NBEA: variants seen among roughly 807,000 people sequenced by gnomAD.
NBEA encodes the protein neurobeachin, also known as lysosomal-trafficking regulator 2.
In NBEA, 44 loss-of-function variants were observed where a neutral mutation model predicts 343.4. The ratio of observed to expected loss-of-function variants is 0.13; its 90% CI spans 0.10 to 0.16. The LOEUF (loss-of-function observed/expected upper bound fraction) is 0.16, where lower values mean the gene tolerates loss of function less well. Ranked by LOEUF, NBEA falls within the 10% of genes least tolerant of loss-of-function variation. The pLI is 1.00. For missense variants in NBEA, 2,555 were observed against 3,631.3 expected (o/e 0.70, Z 7.62); for synonymous variants, 1,175 against 1,238.7 (o/e 0.95, Z 1.08).
At chr13:35,017,340 C>A (rs2061691972) in intron 1 of NBEA, among the ~76,000 whole-genome samples, 1 of 152,130 alleles carries the variant, frequency 6.6e-6, no homozygotes, top group South Asian at 2.1e-4. Context: ...AGTGCTGAGA[C>A]CTACCTGTGG....
intron 41 of NBEA, among the ~76,000 whole-genome samples, chr13:35,499,675 A>G (rs2076812887): frequency 6.6e-6 from 1 of 152,064 alleles, no homozygotes; most frequent in Non-Finnish European, 1.5e-5. Context: ...TCTGCGTATC[A>G]TGCACCCGCT....
intron 38 of NBEA, among the ~76,000 whole-genome samples, chr13:35,395,934 G>A (rs1003912411): frequency 2.0e-5 from 3 of 152,064 alleles, no homozygotes; most frequent in African/African-American, 7.2e-5. Context: ...AACTTTGTCT[G>A]ATAATAATAT....
At chr13:35,373,677 C>T (rs901634984) in intron 38 of NBEA, among the ~76,000 whole-genome samples, 2 of 149,238 alleles carry the variant, frequency 1.3e-5, no homozygotes. Flanking sequence ...TGCACTCCAG[C>T]CTGGGTGACA....
At chr13:35,108,721 T>A (rs1395207124) in intron 11 of NBEA, among the ~76,000 whole-genome samples, 1 of 152,026 alleles carries the variant, frequency 6.6e-6, no homozygotes, top group Admixed American at 6.6e-5. Flanking sequence ...GAGAGTCTGT[T>A]GTTTAAATAC....
At chr13:35,648,906 G>T (rs2084377722) in intron 51 of NBEA, among the ~76,000 whole-genome samples, 1 of 152,100 alleles carries the variant, frequency 6.6e-6, no homozygotes, top group Admixed American at 6.5e-5. Flanking sequence ...AACAGCTAAT[G>T]TATGCAGGGC....
At chr13:35,078,932 G>A (rs917035244) in intron 10 of NBEA, among the ~76,000 whole-genome samples, 1 of 152,116 alleles carries the variant, frequency 6.6e-6, no homozygotes, top group African/African-American at 2.4e-5. Context: ...TGAGGCAGGA[G>A]AATTGTTTGA....
chr13:35,432,723 C>A (rs770758405), intron 39 of NBEA, among the ~76,000 whole-genome samples: 5 of 151,036 alleles, frequency 3.3e-5, no homozygotes, highest in Non-Finnish European at 7.4e-5. Flanking sequence ...CTTTGATGAC[C>A]AAGACCCATA....
intron 54 of NBEA, 52 bp downstream of exon 54, chr13:35,655,062 A>ATTTTGAATATTT: frequency 7.5e-7 from 1 of 1,336,408 alleles, no homozygotes. Context: ...TATTGTTAAA[A>ATTTTGAATATTT]CCAAAGCTGA....
chr13:35,212,025 ACG>A (rs1555337820), intron 33 of NBEA, among the ~76,000 whole-genome samples: 6 of 144,276 alleles, frequency 4.2e-5, no homozygotes, highest in Admixed American at 2.1e-4. Flanking sequence ...ACACACACAC[ACG>A]TATGTATTCA....
At chr13:35,065,440 CTG>C (rs1165150520) in intron 8 of NBEA, among the ~76,000 whole-genome samples, 1 of 151,822 alleles carries the variant, frequency 6.6e-6, no homozygotes, top group East Asian at 1.9e-4. Flanking sequence ...GTGTTGGTCA[CTG>C]TGAGTTAATT....
At chr13:35,509,505 G>A (rs1202645156) in intron 41 of NBEA, among the ~76,000 whole-genome samples, 2 of 152,122 alleles carry the variant, frequency 1.3e-5, no homozygotes, top group Admixed American at 6.5e-5. Context: ...GAAGGAAATG[G>A]CAAAAAAGCT....
chr13:35,105,468 C>A (rs1343874476), intron 11 of NBEA, among the ~76,000 whole-genome samples: 5 of 152,124 alleles, frequency 3.3e-5, no homozygotes, highest in East Asian at 3.9e-4. Flanking sequence ...TATGCTAAAG[C>A]TGATACTCTT....
chr13:35,606,526 A>G lies in NBEA; in HGVS notation c.7397A>G (p.Asp2466Gly). Residue 2466 changes from aspartate to glycine, a missense_variant, in exon 48 of 59, where the codon GAT becomes GGT. Asp to Gly is a moderately conservative substitution (Grantham distance 94, BLOSUM62 -1). This residue lies in a region of NBEA where 156 missense variants were observed against 185.8 expected (regional missense o/e 0.84). Coordinates refer to ENST00000379939, the MANE Select transcript of NBEA (RefSeq NM_001385012.1). Reference protein sequence around the residue: ...REDEVVVNDVDLPPWAKKPED... With the variant: ...REDEVVVNDVGLPPWAKKPED... ...GATGAAGTAGTGGTAAATGATGTTGATCTTCCCCCTTGGGCAAAAAAACCT... is the reference window on the plus strand; with the variant it reads ...GATGAAGTAGTGGTAAATGATGTTGGTCTTCCCCCTTGGGCAAAAAAACCT... The G allele has an allele frequency of 1.2e-6, 2 of 1,608,108 alleles. No homozygotes were observed. The highest frequency in any genetic ancestry group is 8.5e-7 in the Non-Finnish European group (1 of 1,176,254).
In NBEA at chr13:35,176,979, T is replaced by G; in HGVS notation, c.4555-17T>G. On this transcript the variant is annotated splice_polypyrimidine_tract_variant and intron_variant, in intron 27 of 58. Coordinates refer to ENST00000379939, the MANE Select transcript of NBEA (RefSeq NM_001385012.1). ...CTGTAATATATTATCTATTCACAAT[T>G]CTTTTTATTTTCAAAGACTCCATTG... 1 of 1,470,688 alleles carries G rather than the reference T, an allele frequency of 6.8e-7. No homozygotes were observed. Among genetic ancestry groups the G allele is most frequent in the Non-Finnish European group, 9.4e-7 (1 of 1,068,992 alleles). 91.1% of individuals were successfully genotyped at this position (1,470,688 alleles called of 1,614,324 possible).
At chr13:35,406,980 GAC>G (rs2043304466) in intron 38 of NBEA, among the ~76,000 whole-genome samples, 1 of 129,942 alleles carries the variant, frequency 7.7e-6, no homozygotes, top group South Asian at 2.4e-4. Flanking sequence ...TTTTTTTTTA[GAC>G]AGAGTCTCAC....
intron 8 of NBEA, among the ~76,000 whole-genome samples, chr13:35,065,655 A>C (rs2063624602): frequency 6.6e-6 from 1 of 152,040 alleles, no homozygotes. Flanking sequence ...TTTCTCTTAA[A>C]TCTTTATCTC....
intron 13 of NBEA, among the ~76,000 whole-genome samples, chr13:35,113,856 G>C (rs2066358735): frequency 6.6e-6 from 1 of 152,108 alleles, no homozygotes; most frequent in African/African-American, 2.4e-5. Flanking sequence ...AAAACAAGTG[G>C]CTTCATGGAT....
intron 39 of NBEA, among the ~76,000 whole-genome samples, chr13:35,441,348 C>T (rs2045728791): frequency 6.6e-6 from 1 of 152,136 alleles, no homozygotes; most frequent in Non-Finnish European, 1.5e-5. Flanking sequence ...ACTATAAATT[C>T]TCCATTGAAA....
chr13:35,149,620 C>T (rs1464427764), intron 18 of NBEA, among the ~76,000 whole-genome samples: 1 of 152,116 alleles, frequency 6.6e-6, no homozygotes, highest in Non-Finnish European at 1.5e-5. Context: ...TATTCATGAA[C>T]ACGTGTTTAT....
Sources: allele counts gnomAD v4.1 joint callset (sites outside exome capture counted in the v4.1 genomes callset), GRCh38; gene constraint gnomAD v4.1.1; regional missense constraint gnomAD v4.1.1; transcripts MANE v1.5; gene names NCBI Gene and HGNC (gene_info 2026-07-23, HGNC 2026-07-21).